The following MYO16 variants were observed in gnomAD, a reference collection of about 807,000 sequenced individuals.
MYO16 encodes myosin XVI, also known as unconventional myosin-XVI.
Under a neutral mutation model 205.3 loss-of-function variants are expected in MYO16, and 94 were observed. The observed-to-expected ratio is 0.46, with a 90% CI of 0.39 to 0.54. MYO16 has a LOEUF of 0.54. MYO16 is among the 20% of genes least tolerant of loss of function. MYO16 has a pLI of 0.00. For missense variants in MYO16, 2,315 were observed against 2,387.5 expected, an observed-to-expected ratio of 0.97 and a Z score of 0.63; for synonymous variants, 988 against 954.0, an observed-to-expected ratio of 1.04 and a Z score of -0.66.
At chr13:108,925,416 G>C (rs1194917922) in intron 16 of MYO16, among the ~76,000 whole-genome samples, 1 of 152,104 alleles carries the variant, frequency 6.6e-6, no homozygotes, top group African/African-American at 2.4e-5. Flanking sequence ...AGTATGGATG[G>C]TCTTAAATTA....
At chr13:108,835,549 C>T (rs557671179) in intron 9 of MYO16, among the ~76,000 whole-genome samples, 37 of 152,178 alleles carry the variant, frequency 2.4e-4, no homozygotes, top group East Asian at 9.7e-4. Flanking sequence ...ACTTTGTAAC[C>T]GGGTAACAGG....
In MYO16 at chr13:109,206,876, C is replaced by G. The variant is rs1466600571; in HGVS notation, c.*40C>G. 5 of 1,563,258 alleles carry G rather than the reference C, an allele frequency of 3.2e-6. No individual in the cohort carries two copies. The highest frequency in any genetic ancestry group is 2.7e-5 in the African/African-American group (2 of 73,604). On this transcript the variant is annotated 3_prime_UTR_variant, in exon 35 of 35. Coordinates refer to ENST00000457511, the MANE Select transcript of MYO16 (RefSeq NM_001198950.3). Reference sequence around the variant, plus strand: ...CAGACTTACAAAATAGAACTGCCTACTGATTCCGGGCTGCAACAACAGAAG... The same window carrying G: ...CAGACTTACAAAATAGAACTGCCTAGTGATTCCGGGCTGCAACAACAGAAG...
At chr13:109,142,301 AT>A (rs1877135912) in intron 32 of MYO16, among the ~76,000 whole-genome samples, 1 of 152,126 alleles carries the variant, frequency 6.6e-6, no homozygotes, top group Non-Finnish European at 1.5e-5. Context: ...AATGGTGTGT[AT>A]TTTGGGGAAG....
intron 34 of MYO16, among the ~76,000 whole-genome samples, chr13:109,188,193 C>T (rs890375412): frequency 2.6e-5 from 4 of 152,010 alleles, no homozygotes; most frequent in Non-Finnish European, 4.4e-5. Context: ...TATATTTTTT[C>T]ATCCTTTACT....
At chr13:108,575,856 A>C in the MYO16 span, among the ~76,000 whole-genome samples, 1 of 152,144 alleles carries the variant, frequency 6.6e-6, no homozygotes, top group Admixed American at 6.5e-5. Context: ...CAGGTGTTGC[A>C]GAAAGATTCC....
At chr13:108,988,484 A>G (rs1006757010) in intron 20 of MYO16, among the ~76,000 whole-genome samples, 1 of 152,114 alleles carries the variant, frequency 6.6e-6, no homozygotes, top group Non-Finnish European at 1.5e-5. Context: ...TATCTATAAA[A>G]TGTGAAAAAA....
At chr13:108,641,014 C>G (rs910662992) in intron 1 of MYO16, among the ~76,000 whole-genome samples, 8 of 152,136 alleles carry the variant, frequency 5.3e-5, no homozygotes, top group Non-Finnish European at 1.2e-4. Context: ...ACTGTGGAGT[C>G]CATTGAAATA....
intron 33 of MYO16, among the ~76,000 whole-genome samples, chr13:109,179,052 T>C (rs2139914066): frequency 6.6e-6 from 1 of 152,300 alleles, no homozygotes; most frequent in African/African-American, 2.4e-5. Flanking sequence ...TTTGCTTCCT[T>C]GTGCACAAAA....
At chr13:109,002,554 T>C (rs535813269) in intron 21 of MYO16, among the ~76,000 whole-genome samples, 3 of 152,200 alleles carry the variant, frequency 2.0e-5, no homozygotes, top group Non-Finnish European at 2.9e-5. Context: ...TTGATAATTA[T>C]TCATGAGCAT....
chr13:108,517,739 T>C, the MYO16 span, among the ~76,000 whole-genome samples: 1 of 152,234 alleles, frequency 6.6e-6, no homozygotes, highest in South Asian at 2.1e-4. Flanking sequence ...ATTTTGTTTG[T>C]TATTATTGTT....
Position 108,793,625 on chromosome 13 carries a change from TGAA to T in MYO16, c.728_730del (p.Glu243del). The T allele has an allele frequency of 6.2e-7, 1 of 1,613,704 alleles. No individual in the cohort carries two copies. The highest frequency in any genetic ancestry group is 8.5e-7 in the Non-Finnish European group (1 of 1,179,716). On this transcript the variant is annotated inframe_deletion, in exon 6 of 35. Coordinates refer to ENST00000457511, the MANE Select transcript of MYO16 (RefSeq NM_001198950.3). ...GAGGAAATGTCAATGAGAAAAACGA[TGAA>T]GGAGTAACCCTGGTAAGTTCATATA...
chr13:109,184,006 T>C (rs942285098), intron 34 of MYO16, among the ~76,000 whole-genome samples: 13 of 152,210 alleles, frequency 8.5e-5, no homozygotes, highest in African/African-American at 2.2e-4. Context: ...TCCAATGCCT[T>C]CTTTCTATAT....
At chr13:108,536,153 G>C in the MYO16 span, among the ~76,000 whole-genome samples, 1 of 152,228 alleles carries the variant, frequency 6.6e-6, no homozygotes, top group East Asian at 1.9e-4. Flanking sequence ...CTAAGTGAGA[G>C]TATTTATTAA....
rs774717209 is a variant in MYO16 at position 109,055,520 on chromosome 13, T to C, written c.3260T>C (p.Ile1087Thr). The change falls in exon 27 of 35, where the codon ATT (isoleucine) becomes ACT (threonine). Residue 1087 changes from isoleucine (I) to threonine (T), a missense_variant. Physicochemically the swap from Ile to Thr is moderately conservative, Grantham distance 89. This residue lies in a region of MYO16 where 1,097 missense variants were observed against 1,092.0 expected (regional missense o/e 1.00). Transcript: ENST00000457511. This position sits in a 1 kb window ranked among gnomAD's most constrained non-coding sequence, Gnocchi z 5.0. ...NFYVSAQLQYIGVLEMVKIFR... is the reference protein window; with the variant it reads ...NFYVSAQLQYTGVLEMVKIFR... ...TACGTGTCTGCTCAGCTACAATATA[T>C]TGGGGTCCTGGAGATGGTGAAGATC... 7 of 1,613,296 alleles carry C rather than the reference T, an allele frequency of 4.3e-6. No individual in the cohort carries two copies. The South Asian group carries it at 5.5e-5, about 13-fold the overall frequency.
intron 4 of MYO16, among the ~76,000 whole-genome samples, chr13:108,733,058 G>C (rs918538329): frequency 5.9e-5 from 9 of 152,134 alleles, no homozygotes; most frequent in Admixed American, 6.6e-5. Flanking sequence ...CATTTTTCAA[G>C]TTCTTCAGGA....
intron 16 of MYO16, among the ~76,000 whole-genome samples, chr13:108,943,028 T>C (rs756473359): frequency 6.6e-6 from 1 of 152,190 alleles, no homozygotes; most frequent in African/African-American, 2.4e-5. Flanking sequence ...TAGTATCAAA[T>C]TAAACATTTA....
intron 1 of MYO16, among the ~76,000 whole-genome samples, chr13:108,619,935 G>A (rs1408759071): frequency 6.6e-6 from 1 of 152,128 alleles, no homozygotes; most frequent in Non-Finnish European, 1.5e-5. Flanking sequence ...TGGCATACTG[G>A]AAACCTAAGC....
At chr13:108,802,100 C>A (rs1886985106) in intron 6 of MYO16, among the ~76,000 whole-genome samples, 1 of 152,152 alleles carries the variant, frequency 6.6e-6, no homozygotes, top group African/African-American at 2.4e-5. Flanking sequence ...TGTTGAGACA[C>A]TGGAAATGTA....
chr13:108,913,616 C>G (rs1881361163), intron 16 of MYO16, among the ~76,000 whole-genome samples: 3 of 152,152 alleles, frequency 2.0e-5, no homozygotes. Flanking sequence ...TCTTCTGAAT[C>G]CCTTCCTTAA....
Sources: gnomAD v4.1 joint callset for allele counts (sites outside exome capture counted in the v4.1 genomes callset) on GRCh38, gnomAD v4.1.1 for gene constraint, gnomAD v4.1.1 regional missense constraint, Gnocchi (gnomAD v3.1) non-coding constraint, MANE v1.5 for transcripts, NCBI Gene and HGNC (gene_info 2026-07-23, HGNC 2026-07-21) for gene names.